Variants in NAALADL2 observed in about 807,000 individuals in gnomAD.
The protein encoded by NAALADL2 is N-acetylated alpha-linked acidic dipeptidase like 2.
NAALADL2 carries 76 observed loss-of-function variants against 87.2 expected under a neutral mutation model. That is an observed-to-expected ratio of 0.87 (90% confidence interval 0.72 to 1.05). The LOEUF (loss-of-function observed/expected upper bound fraction) is 1.05, where lower values mean the gene tolerates loss of function less well. Among genes scored for constraint, NAALADL2 ranks in the 50% least tolerant of loss-of-function variants. The pLI, the probability that NAALADL2 is intolerant of heterozygous loss-of-function variation, is 0.00. For synonymous variants in NAALADL2, 354 were observed against 331.0 expected (o/e 1.07, Z -0.75); for missense variants, 1,089 against 945.8 (o/e 1.15, Z -1.99).
intron 3 of NAALADL2, among the ~76,000 whole-genome samples, chr3:174,751,618 G>C (rs983790122): frequency 1.0e-4 from 15 of 145,036 alleles, no homozygotes; most frequent in Admixed American, 9.9e-4. Flanking sequence ...AGCCGAGATC[G>C]TGCCACTGCA....
chr3:174,995,278 G>T (rs571357488), intron 1 of NAALADL2, among the ~76,000 whole-genome samples: 1 of 152,138 alleles, frequency 6.6e-6, no homozygotes, highest in South Asian at 2.1e-4. Flanking sequence ...CAAAGGCATC[G>T]GGTAGATTAT....
intron 11 of NAALADL2, among the ~76,000 whole-genome samples, chr3:175,647,568 T>C (rs190134953): frequency 7.0e-4 from 106 of 152,294 alleles, no homozygotes; most frequent in Admixed American, 4.7e-3. Flanking sequence ...GTCTCTTAGA[T>C]AGAGGACTGG....
At chr3:175,059,995 AG>A in intron 1 of NAALADL2, 1 of 434,200 alleles carries the variant, frequency 2.3e-6, no homozygotes. Flanking sequence ...GAGCACATGG[AG>A]GCCAGCAGGG....
At chr3:174,865,233 C>G (rs1367313423) in intron 1 of NAALADL2, among the ~76,000 whole-genome samples, 2 of 151,892 alleles carry the variant, frequency 1.3e-5, no homozygotes, top group Non-Finnish European at 2.9e-5. Context: ...CTAAAAAAGT[C>G]GAAAGAGAAA....
intron 1 of NAALADL2, among the ~76,000 whole-genome samples, chr3:174,999,629 G>A (rs762218485): frequency 6.6e-6 from 1 of 152,154 alleles, no homozygotes; most frequent in Non-Finnish European, 1.5e-5. Flanking sequence ...GAGGGTAAGA[G>A]ATGTTTGTGG....
rs988451993 is a variant in NAALADL2 at position 175,633,764 on chromosome 3, G to T, written c.1896+6378G>T. ...GAAAAAAATTCCTTATTTTTCAATG[G>T]CATAGGATATATAAGATTAATGATA... On this transcript the variant is annotated intron_variant, in intron 11 of 13. Coordinates refer to ENST00000454872, the MANE Select transcript of NAALADL2 (RefSeq NM_207015.3). Among the ~76,000 whole-genome samples, 32 of 151,542 alleles carry T rather than the reference G, an allele frequency of 2.1e-4. No individual in the cohort carries two copies. The East Asian group carries it at 5.8e-3, about 28-fold the overall frequency.
chr3:175,018,865 A>AG (rs1248605048), intron 1 of NAALADL2, among the ~76,000 whole-genome samples: 1 of 151,006 alleles, frequency 6.6e-6, no homozygotes, highest in African/African-American at 2.5e-5. Flanking sequence ...ACTGTGACAT[A>AG]GAAAAAACAG....
rs961274595 is a variant in NAALADL2, at chr3:175,716,141, T to C, written c.1897-21165T>C. Among the ~76,000 whole-genome samples the C allele has an allele frequency of 2.7e-5, 4 of 146,446 alleles. No homozygotes were observed. The Admixed American group carries it at 2.8e-4, about 10-fold the overall frequency. On this transcript the variant is annotated intron_variant, in intron 11 of 13. Coordinates refer to ENST00000454872, the MANE Select transcript of NAALADL2 (RefSeq NM_207015.3). Reference sequence around the variant, plus strand: ...GTAATTTATTGGAATACATAAGGAATACATGTTATATATAATATATAATAT... The same window carrying C: ...GTAATTTATTGGAATACATAAGGAACACATGTTATATATAATATATAATAT...
chr3:175,526,588 G>A (rs1560705028), intron 9 of NAALADL2, among the ~76,000 whole-genome samples: 2 of 151,988 alleles, frequency 1.3e-5, no homozygotes, highest in South Asian at 2.1e-4. Context: ...TTATCTAAGC[G>A]GACAAATATA....
intron 10 of NAALADL2, among the ~76,000 whole-genome samples, chr3:175,613,629 G>A (rs906372563): frequency 1.3e-5 from 2 of 152,072 alleles, no homozygotes; most frequent in African/African-American, 4.8e-5. Context: ...TTTGGCTATT[G>A]TCTATAGTAT....
At chr3:175,716,106 TATG>T (rs1741206827) in intron 11 of NAALADL2, among the ~76,000 whole-genome samples, 4 of 147,818 alleles carry the variant, frequency 2.7e-5, no homozygotes, top group African/African-American at 9.9e-5. Flanking sequence ...TAATATTATA[TATG>T]ATATATGTAA....
In NAALADL2 at chr3:175,806,920, C is replaced by T. The variant is rs1183274366; in HGVS notation, c.*3717C>T. ...TAATTGAAAATGTTAACATATTTCTCCAAAACTGATCAGACTGTGGAGTCT... is the reference window on the plus strand; with the variant it reads ...TAATTGAAAATGTTAACATATTTCTTCAAAACTGATCAGACTGTGGAGTCT... On this transcript the variant is annotated 3_prime_UTR_variant, in exon 14 of 14. Coordinates refer to ENST00000454872, the MANE Select transcript of NAALADL2 (RefSeq NM_207015.3). 1 of 151,472 alleles carries T rather than the reference C, an allele frequency of 6.6e-6. No homozygotes were observed. The highest frequency in any genetic ancestry group is 6.6e-5 in the Admixed American group (1 of 15,124). 9.4% of individuals were successfully genotyped at this position (151,472 alleles called of 1,614,324 possible).
intron 2 of NAALADL2, among the ~76,000 whole-genome samples, chr3:174,656,350 A>T (rs1207933698): frequency 6.6e-6 from 1 of 152,182 alleles, no homozygotes; most frequent in South Asian, 2.1e-4. Flanking sequence ...TTCAAAACAG[A>T]CACTCTAGTA....
intron 2 of NAALADL2, among the ~76,000 whole-genome samples, chr3:175,215,541 G>C (rs1017793948): frequency 6.6e-6 from 1 of 151,716 alleles, no homozygotes; most frequent in African/African-American, 2.4e-5. Flanking sequence ...TGTCTCATCA[G>C]CAGACTTTGC....
intron 3 of NAALADL2, among the ~76,000 whole-genome samples, chr3:174,807,550 A>G (rs1211339927): frequency 2.0e-5 from 3 of 152,100 alleles, no homozygotes; most frequent in Non-Finnish European, 4.4e-5. Flanking sequence ...ACATGTTGCC[A>G]TGCTAATAGC....
chr3:175,523,559 T>C (rs1349975627), intron 9 of NAALADL2, among the ~76,000 whole-genome samples: 3 of 152,226 alleles, frequency 2.0e-5, no homozygotes, highest in African/African-American at 4.8e-5. Flanking sequence ...TAAAATTTTC[T>C]TTTTAATCCT....
At chr3:174,817,934 A>C (rs1720979229) in intron 3 of NAALADL2, among the ~76,000 whole-genome samples, 1 of 152,220 alleles carries the variant, frequency 6.6e-6, no homozygotes, top group African/African-American at 2.4e-5. Context: ...AGTAATAAAC[A>C]CAGCCCATAT....
At chr3:175,301,321 C>T (rs1274695698) in intron 4 of NAALADL2, among the ~76,000 whole-genome samples, 6 of 152,234 alleles carry the variant, frequency 3.9e-5, no homozygotes, top group East Asian at 1.9e-4. Context: ...AAATACCTAA[C>T]GTAGATGGCG....
intron 4 of NAALADL2, among the ~76,000 whole-genome samples, chr3:175,260,681 G>T (rs1468336243): frequency 3.9e-5 from 6 of 152,152 alleles, no homozygotes. Context: ...ACATGCAGCT[G>T]AATGAGTAAA....
Sources: gnomAD v4.1 joint callset for allele counts (sites outside exome capture counted in the v4.1 genomes callset) on GRCh38, gnomAD v4.1.1 for gene constraint, MANE v1.5 for transcripts, NCBI Gene and HGNC (gene_info 2026-07-23, HGNC 2026-07-21) for gene names.